Variants in MACROD2 observed in about 807,000 individuals in gnomAD.
The protein encoded by MACROD2 is ADP-ribose glycohydrolase MACROD2.
MACROD2 carries 36 observed loss-of-function variants against 70.4 expected under a neutral mutation model. That is an observed-to-expected ratio of 0.51 (90% CI 0.39 to 0.68). MACROD2 has a LOEUF of 0.68. Ranked by LOEUF, MACROD2 falls within the 30% of genes least tolerant of loss-of-function variation. The pLI is 0.00. For missense variants in MACROD2, 496 were observed against 538.4 expected (o/e 0.92, Z 0.78); for synonymous variants, 172 against 178.8 (o/e 0.96, Z 0.30).
intron 8 of MACROD2, among the ~76,000 whole-genome samples, chr20:15,649,806 C>A (rs2049616983): frequency 6.6e-6 from 1 of 152,092 alleles, no homozygotes; most frequent in South Asian, 2.1e-4. Context: ...ATTGCAAAGC[C>A]ATTTAAGACT....
chr20:15,410,570 T>C (rs1276563094), intron 6 of MACROD2, among the ~76,000 whole-genome samples: 1 of 152,192 alleles, frequency 6.6e-6, no homozygotes, highest in East Asian at 1.9e-4. Flanking sequence ...CGACAATACA[T>C]AGAGGTGAAA....
intron 8 of MACROD2, among the ~76,000 whole-genome samples, chr20:15,792,069 T>C (rs754752498): frequency 3.3e-5 from 5 of 152,096 alleles, no homozygotes; most frequent in Admixed American, 6.6e-5. Flanking sequence ...AGAGAACCAA[T>C]AGATTGTGAG....
chr20:15,132,036 C>G (rs563734662), intron 5 of MACROD2, among the ~76,000 whole-genome samples: 60 of 151,894 alleles, frequency 4.0e-4, no homozygotes, highest in African/African-American at 1.4e-3. Context: ...ATAAGGTAAA[C>G]AGTTAAATGC....
intron 2 of MACROD2, among the ~76,000 whole-genome samples, chr20:14,083,205 GT>G (rs1054361780): frequency 1.3e-5 from 2 of 151,702 alleles, no homozygotes; most frequent in Non-Finnish European, 1.5e-5. Flanking sequence ...GCTGAGGTGG[GT>G]GGATCACCTG....
At chr20:15,048,990 A>G (rs1451270399) in intron 5 of MACROD2, among the ~76,000 whole-genome samples, 1 of 152,104 alleles carries the variant, frequency 6.6e-6, no homozygotes, top group Non-Finnish European at 1.5e-5. Context: ...AGTGCATTAT[A>G]TACTTTTTCA....
chr20:16,014,322 A>G (rs2066901886), intron 15 of MACROD2, among the ~76,000 whole-genome samples: 1 of 152,180 alleles, frequency 6.6e-6, no homozygotes, highest in Non-Finnish European at 1.5e-5. Flanking sequence ...TTGGGTGTTT[A>G]CTATTGTTAT....
intron 7 of MACROD2, among the ~76,000 whole-genome samples, chr20:15,474,077 A>T (rs568582833): frequency 1.3e-5 from 2 of 152,328 alleles, no homozygotes; most frequent in South Asian, 4.1e-4. Flanking sequence ...AGAATTAATT[A>T]TGTCTAATCT....
At chr20:14,790,568 T>C (rs2072438223) in intron 5 of MACROD2, among the ~76,000 whole-genome samples, 1 of 152,118 alleles carries the variant, frequency 6.6e-6, no homozygotes, top group Non-Finnish European at 1.5e-5. Flanking sequence ...CTGAGGCTTT[T>C]CAGGGATTAA....
chr20:15,368,311 A>G (rs1160407435), intron 6 of MACROD2, among the ~76,000 whole-genome samples: 1 of 151,704 alleles, frequency 6.6e-6, no homozygotes, highest in Non-Finnish European at 1.5e-5. Flanking sequence ...ATGCTTTTCT[A>G]AGTAATTTGT....
chr20:15,402,536 T>C (rs1458161240), intron 6 of MACROD2, among the ~76,000 whole-genome samples: 1 of 152,226 alleles, frequency 6.6e-6, no homozygotes, highest in Non-Finnish European at 1.5e-5. Context: ...CATTCATCTC[T>C]TTGAGATCAA....
At chr20:14,880,585 A>G (rs2073599758) in intron 5 of MACROD2, among the ~76,000 whole-genome samples, 1 of 152,208 alleles carries the variant, frequency 6.6e-6, no homozygotes, top group East Asian at 1.9e-4. Context: ...CAGGTCCCCA[A>G]ATCCTCTGCT....
At chr20:15,014,903 C>T (rs2075110028) in intron 5 of MACROD2, among the ~76,000 whole-genome samples, 2 of 151,918 alleles carry the variant, frequency 1.3e-5, no homozygotes, top group Admixed American at 1.3e-4. Flanking sequence ...TGCGATCCCC[C>T]CTTATACAAA....
At chr20:14,097,236 G>A (rs1211625199) in intron 3 of MACROD2, among the ~76,000 whole-genome samples, 2 of 152,178 alleles carry the variant, frequency 1.3e-5, no homozygotes, top group Non-Finnish European at 2.9e-5. Context: ...TGGTCAAAGA[G>A]CTTTGGTCTT....
chr20:15,629,252 A>T (rs1471295055), intron 8 of MACROD2, among the ~76,000 whole-genome samples: 1 of 152,198 alleles, frequency 6.6e-6, no homozygotes, highest in Non-Finnish European at 1.5e-5. Context: ...GTTGTTCCAC[A>T]TCCACTGTTA....
intron 4 of MACROD2, 32 bp downstream of exon 4, chr20:14,493,540 C>T (rs1415178770): frequency 1.3e-6 from 2 of 1,559,726 alleles, no homozygotes; most frequent in Non-Finnish European, 1.8e-6. Flanking sequence ...ACTTAAAATA[C>T]ATTTTAATTG....
chr20:14,867,461 A>G (rs531491754), intron 5 of MACROD2, among the ~76,000 whole-genome samples: 1 of 152,212 alleles, frequency 6.6e-6, no homozygotes, highest in East Asian at 1.9e-4. Context: ...TTTCATGCCT[A>G]TGAAAGAGTC....
At position 15,795,515 on chromosome 20, in the gene MACROD2, G is replaced by A. The variant is rs149992067; in HGVS notation, c.646-67230G>A. Among the ~76,000 whole-genome samples, 76 of 152,130 alleles carry A rather than the reference G, an allele frequency of 5.0e-4. 1 individual carries two copies. Among genetic ancestry groups the A allele is most frequent in the Non-Finnish European group, 6.0e-4 (41 of 68,012 alleles). On this transcript the variant is annotated intron_variant, in intron 8 of 17. Transcript: ENST00000684519. Reference sequence around the variant, plus strand: ...AATAACAAGAATGCCACTGTTGCCCGCCATTGTCTGGAGTGAATGCCAGCC... The same window carrying A: ...AATAACAAGAATGCCACTGTTGCCCACCATTGTCTGGAGTGAATGCCAGCC...
chr20:14,107,801 G>A (rs2054390794), intron 3 of MACROD2, among the ~76,000 whole-genome samples: 1 of 152,022 alleles, frequency 6.6e-6, no homozygotes, highest in African/African-American at 2.4e-5. Context: ...TATCCTTCAA[G>A]CATGAAGGAG....
chr20:15,665,060 C>G (rs1008761306), intron 8 of MACROD2, among the ~76,000 whole-genome samples: 6 of 152,018 alleles, frequency 3.9e-5, no homozygotes, highest in Non-Finnish European at 7.4e-5. Flanking sequence ...TAGGCAGATG[C>G]CAAAGGTTCA....
Sources: allele counts gnomAD v4.1 joint callset (sites outside exome capture counted in the v4.1 genomes callset), GRCh38; gene constraint gnomAD v4.1.1; transcripts MANE v1.5; gene names NCBI Gene and HGNC (gene_info 2026-07-23, HGNC 2026-07-21).